Variants in XKRX observed in about 807,000 individuals in gnomAD.
XKRX encodes XK related X-linked.
A neutral mutation model predicts 22.4 loss-of-function variants in XKRX; 11 were observed. That is an observed-to-expected ratio of 0.49 (90% CI 0.31 to 0.81). The LOEUF (loss-of-function observed/expected upper bound fraction) is 0.81. Among genes scored for constraint, XKRX ranks in the 40% least tolerant of loss-of-function variants. The pLI is 0.05. For missense variants in XKRX, 320 were observed against 336.5 expected (o/e 0.95, Z 0.38); for synonymous variants, 114 against 132.2 (o/e 0.86, Z 0.94).
chrX:100,933,832 C>T (rs1280282084), upstream of XKRX, among the ~76,000 whole-genome samples: 1 of 111,360 alleles, frequency 9.0e-6, no homozygotes, highest in Non-Finnish European at 1.9e-5. Context: ...AGAGAAGGGT[C>T]AGGGAGGGGA....
chrX:100,955,397 G>A, the XKRX span, among the ~76,000 whole-genome samples: 1 of 112,193 alleles, frequency 8.9e-6, no homozygotes, highest in Non-Finnish European at 1.9e-5. Context: ...GAGTGGCTGG[G>A]TTCAGTGGCT....
In XKRX at chrX:100,914,870, AG is replaced by A. The variant is rs1252750551; in HGVS notation, c.817del (p.Leu273Ter). 2.5e-6 allele frequency: 3 copies of A among 1,209,959 alleles called. No individual in the cohort carries two copies. The African/African-American group carries it at 5.2e-5, about 21-fold the overall frequency. ...ATLKLKAVPF[L>X]VLNFLIILFE... The stretch of plus-strand genomic sequence containing the variant: ...GAGGATGATCAGGAAGTTGAGCACT[AG>A]GAAGGGCACAGCCTTCAATTTCAAA... On this transcript the variant is annotated frameshift_variant, in exon 3 of 3. Transcript: ENST00000372956. LOFTEE classifies it high-confidence loss of function.
downstream of XKRX, among the ~76,000 whole-genome samples, chrX:100,909,079 C>A (rs745596121): frequency 8.9e-6 from 1 of 112,064 alleles, no homozygotes; most frequent in East Asian, 2.8e-4. Context: ...AGAGTTCATA[C>A]AACCCTTAGC....
rs373000478 is a variant in XKRX, at chrX:100,917,657, G to GA, written c.605-2575dup. Among the ~76,000 whole-genome samples, 135 of 42,247 alleles carry GA rather than the reference G, an allele frequency of 3.2e-3. 1 individual carries two copies. Among genetic ancestry groups the GA allele is most frequent in the African/African-American group, 0.013 (110 of 8,369 alleles). The allele number at this position is 42,247 out of a possible 115,157, so 36.7% of individuals were successfully genotyped here. A position where few individuals can be genotyped will look rare whatever the true frequency, so the allele number is the denominator to read the frequency against. ...AAGAAGAAAGAAAGAAAGAAAGAAA[G>GA]AAAGAAAGAAAGAAAGAAAAGAAAG... On this transcript the variant is annotated intron_variant, in intron 2 of 2. Transcript: ENST00000372956.
the XKRX span, among the ~76,000 whole-genome samples, chrX:100,939,150 C>A: frequency 5.4e-5 from 6 of 111,579 alleles, no homozygotes; most frequent in African/African-American, 2.0e-4. Context: ...TATACATATA[C>A]ATACATGTAT....
intron 2 of XKRX, among the ~76,000 whole-genome samples, chrX:100,919,779 A>T (rs767475290): frequency 8.9e-6 from 1 of 112,171 alleles, no homozygotes; most frequent in Admixed American, 9.5e-5. Flanking sequence ...AAACAGGCAC[A>T]TTTGTATACT....
At chrX:100,900,562 A>G in the XKRX span, among the ~76,000 whole-genome samples, 1 of 109,985 alleles carries the variant, frequency 9.1e-6, no homozygotes, top group African/African-American at 3.3e-5. Context: ...AGCACTTTGC[A>G]GAGCCGAGGT....
chrX:100,935,188 C>T, the XKRX span, among the ~76,000 whole-genome samples: 34 of 111,555 alleles, frequency 3.0e-4, no homozygotes, highest in African/African-American at 1.1e-3. Flanking sequence ...AAGGAGGTCA[C>T]ACAGTATAGT....
chrX:100,892,943 T>C, the XKRX span, among the ~76,000 whole-genome samples: 5 of 112,059 alleles, frequency 4.5e-5, no homozygotes, highest in East Asian at 1.4e-3. Flanking sequence ...CACCAGTGGA[T>C]GAATGGATAA....
chrX:100,933,375 C>T (rs1216198295), upstream of XKRX, among the ~76,000 whole-genome samples: 3 of 105,760 alleles, frequency 2.8e-5, no homozygotes, highest in Non-Finnish European at 5.8e-5. Context: ...CTAGCAACTC[C>T]GGAGGCTGAG....
chrX:100,919,418 TCA>T (rs1302938641), intron 2 of XKRX, among the ~76,000 whole-genome samples: 4 of 111,952 alleles, frequency 3.6e-5, no homozygotes, highest in African/African-American at 1.3e-4. Flanking sequence ...ATTAAATATA[TCA>T]CACACATATT....
intron 1 of XKRX, 134 bp downstream of exon 1, chrX:100,927,836 A>C: frequency 1.2e-6 from 1 of 813,525 alleles, no homozygotes; most frequent in African/African-American, 2.1e-5. Flanking sequence ...AATGGTAGAC[A>C]GGGAAGCCGA....
rs2085422610 is a variant in XKRX, at chrX:100,914,574, C to T, written c.1114G>A (p.Val372Met). Reference sequence around the variant, plus strand: ...TGACAGTAATTCAGTAACACTTTCACTCCAAAGAACTTAAAAACCAAGACC... The same window carrying T: ...TGACAGTAATTCAGTAACACTTTCATTCCAAAGAACTTAAAAACCAAGACC... ...IMVLVFKFFG[V>M]KVLLNYCHSL... Residue 372 changes from valine to methionine, a missense_variant, in exon 3 of 3, where the codon GTG (valine) becomes ATG (methionine). By Grantham distance (21) the Val-to-Met change is conservative. Coordinates refer to ENST00000372956, the MANE Select transcript of XKRX (RefSeq NM_212559.3). 2 of 1,211,979 alleles carry T rather than the reference C, an allele frequency of 1.7e-6. No homozygotes were observed. Among genetic ancestry groups the T allele is most frequent in the East Asian group, 5.9e-5 (2 of 33,851 alleles).
downstream of XKRX, chrX:100,911,369 G>A: frequency 1.2e-6 from 1 of 808,121 alleles, no homozygotes; most frequent in East Asian, 3.1e-5. Context: ...TACTGTCATT[G>A]AGGTAAATGT....
the XKRX span, among the ~76,000 whole-genome samples, chrX:100,902,096 A>C: frequency 9.8e-5 from 11 of 112,018 alleles, no homozygotes; most frequent in Non-Finnish European, 1.9e-4. Flanking sequence ...GACAAAAAAA[A>C]AATTAAGCTA....
At chrX:100,942,291 A>G in the XKRX span, among the ~76,000 whole-genome samples, 1 of 112,301 alleles carries the variant, frequency 8.9e-6, no homozygotes, top group East Asian at 2.8e-4. Flanking sequence ...CTCATGAGTC[A>G]TTACTAGGTC....
intron 2 of XKRX, among the ~76,000 whole-genome samples, chrX:100,920,638 AAAGT>A (rs1434301127): frequency 2.0e-4 from 22 of 112,752 alleles, no homozygotes; most frequent in African/African-American, 7.1e-4. Context: ...AGAATTTTAA[AAAGT>A]AAGACTGCTG....
At chrX:100,956,989 A>T in the XKRX span, 9 of 1,075,317 alleles carry the variant, frequency 8.4e-6, no homozygotes, top group Non-Finnish European at 1.0e-5. Context: ...GACAAGGGAG[A>T]GGTCTTTATG....
chrX:100,935,043 C>A, the XKRX span, among the ~76,000 whole-genome samples: 4 of 111,904 alleles, frequency 3.6e-5, no homozygotes, highest in Admixed American at 3.8e-4. Flanking sequence ...CAGCTGGTTA[C>A]GTTCATTCAG....
Sources: allele counts gnomAD v4.1 joint callset (sites outside exome capture counted in the v4.1 genomes callset), GRCh38; gene constraint gnomAD v4.1.1; transcripts MANE v1.5; gene names NCBI Gene and HGNC (gene_info 2026-07-23, HGNC 2026-07-21).